The following KIAA1328 variants were observed in gnomAD, a reference collection of about 807,000 sequenced individuals.
KIAA1328 encodes protein hinderin.
A neutral mutation model predicts 68.1 loss-of-function variants in KIAA1328; 52 were observed. The ratio of observed to expected loss-of-function variants is 0.76; its 90% CI spans 0.61 to 0.96. The LOEUF (loss-of-function observed/expected upper bound fraction) is 0.96. KIAA1328 is among the 40% of genes least tolerant of loss of function. The pLI, the probability that KIAA1328 is intolerant of heterozygous loss-of-function variation, is 0.00. For synonymous variants in KIAA1328, 232 were observed against 239.4 expected, an observed-to-expected ratio of 0.97 and a Z score of 0.28; for missense variants, 641 against 677.6, an observed-to-expected ratio of 0.95 and a Z score of 0.60.
chr18:37,024,727 A>G (rs1013517238), intron 6 of KIAA1328, among the ~76,000 whole-genome samples: 9 of 152,104 alleles, frequency 5.9e-5, no homozygotes, highest in Non-Finnish European at 1.3e-4. Flanking sequence ...TTATTGCTGC[A>G]TAGTATTCCA....
At chr18:36,990,881 C>T (rs1187100047) in intron 6 of KIAA1328, among the ~76,000 whole-genome samples, 2 of 152,044 alleles carry the variant, frequency 1.3e-5, no homozygotes, top group African/African-American at 4.8e-5. Flanking sequence ...GAGAAAAAGT[C>T]ACTTGTACAT....
In KIAA1328 at chr18:36,882,822, AT is replaced by A. The variant is rs1449720952; in HGVS notation, c.333-2733del. 6.6e-5 allele frequency among the ~76,000 whole-genome samples: 10 copies of A among 152,310 alleles called. No individual in the cohort carries two copies. The East Asian group carries it at 1.5e-3, about 24-fold the overall frequency. ...CTCTAGAGATAATCTGTGCATTTAC[AT>A]TAATGTTAAGGTAAACCTGTGATCT... On this transcript the variant is annotated intron_variant, in intron 4 of 9. Transcript: ENST00000280020.
intron 6 of KIAA1328, among the ~76,000 whole-genome samples, chr18:36,994,512 CT>C (rs1465836601): frequency 6.6e-6 from 1 of 152,132 alleles, no homozygotes; most frequent in Admixed American, 6.5e-5. Flanking sequence ...GTGAGAACCA[CT>C]CATCTCATCC....
At chr18:36,996,845 G>A (rs942930863) in intron 6 of KIAA1328, among the ~76,000 whole-genome samples, 2 of 152,158 alleles carry the variant, frequency 1.3e-5, no homozygotes, top group African/African-American at 4.8e-5. Context: ...GCTGAAGTTA[G>A]CATGTATTAT....
chr18:36,893,684 G>T (rs979532120), intron 5 of KIAA1328, among the ~76,000 whole-genome samples: 1 of 151,978 alleles, frequency 6.6e-6, no homozygotes, highest in African/African-American at 2.4e-5. Context: ...TTACTATTTG[G>T]TGTCTAGTTT....
intron 7 of KIAA1328, among the ~76,000 whole-genome samples, chr18:37,136,610 T>G (rs2058651857): frequency 6.6e-6 from 1 of 152,210 alleles, no homozygotes; most frequent in African/African-American, 2.4e-5. Flanking sequence ...TCTGTGTACC[T>G]CCACATGGAA....
At chr18:36,893,529 C>T (rs1341894332) in intron 5 of KIAA1328, among the ~76,000 whole-genome samples, 1 of 148,738 alleles carries the variant, frequency 6.7e-6, no homozygotes, top group African/African-American at 2.5e-5. Context: ...ATTATGTTGC[C>T]TAGGCTGGGT....
chr18:36,980,468 T>C (rs996243364), intron 6 of KIAA1328, among the ~76,000 whole-genome samples: 2 of 152,138 alleles, frequency 1.3e-5, no homozygotes, highest in Admixed American at 6.5e-5. Flanking sequence ...CCAGGCCCAG[T>C]TTACTGGTTG....
At chr18:37,005,063 A>C (rs921395842) in intron 6 of KIAA1328, among the ~76,000 whole-genome samples, 5 of 152,076 alleles carry the variant, frequency 3.3e-5, no homozygotes, top group Non-Finnish European at 7.4e-5. Context: ...AGGCAAAGGC[A>C]TAAGAATGAT....
At position 36,884,456 on chromosome 18, in the gene KIAA1328, A is replaced by T. The variant is rs2048429704; in HGVS notation, c.333-1101A>T. 3.9e-5 allele frequency among the ~76,000 whole-genome samples: 6 copies of T among 152,332 alleles called. No individual in the cohort carries two copies. In the South Asian group the frequency reaches 1.2e-3, roughly 32 times the overall value. On this transcript the variant is annotated intron_variant, in intron 4 of 9. Coordinates refer to ENST00000280020, the MANE Select transcript of KIAA1328 (RefSeq NM_020776.3). ...CTATGTGCTATATGCTTTGACACAA[A>T]TTATTTCAAAGATAAGATACAATCA...
rs2060609002 is a variant in KIAA1328, at chr18:37,224,114, G to A, written c.*1887G>A. 2.0e-6 allele frequency: 2 copies of A among 985,254 alleles called. No homozygotes were observed. The highest frequency in any genetic ancestry group is 3.5e-5 in the African/African-American group (2 of 57,216). The allele number at this position is 985,254 out of a possible 1,614,324, so 61.0% of individuals were successfully genotyped here. ...TTTTTCAGTTAAAGTTAGGTTGCCA[G>A]AACTTTCTTTTCCTTGCCCCCTGTG... On this transcript the variant is annotated 3_prime_UTR_variant, in exon 10 of 10. Transcript: ENST00000280020.
intron 5 of KIAA1328, among the ~76,000 whole-genome samples, chr18:36,911,384 T>C (rs1270204206): frequency 6.6e-6 from 1 of 152,142 alleles, no homozygotes; most frequent in African/African-American, 2.4e-5. Flanking sequence ...CATTCTTTAC[T>C]CTAAAATACT....
At chr18:37,167,707 G>A (rs148418949) in intron 8 of KIAA1328, among the ~76,000 whole-genome samples, 2 of 152,076 alleles carry the variant, frequency 1.3e-5, no homozygotes, top group East Asian at 3.9e-4. Context: ...CTAGGGTCTC[G>A]GGGTTTTTAT....
intron 6 of KIAA1328, among the ~76,000 whole-genome samples, chr18:37,060,645 A>G (rs2056108778): frequency 6.6e-6 from 1 of 152,206 alleles, no homozygotes; most frequent in Admixed American, 6.5e-5. Flanking sequence ...AAATAAATGC[A>G]TATATCTAAA....
chr18:36,835,441 G>T, intron 3 of KIAA1328, 65 bp downstream of exon 3: 2 of 1,441,220 alleles, frequency 1.4e-6, no homozygotes, highest in East Asian at 2.4e-5. Flanking sequence ...GACCAAAAAG[G>T]GTAGAAGAAC....
intron 9 of KIAA1328, among the ~76,000 whole-genome samples, chr18:37,181,937 C>T (rs558479424): frequency 6.6e-6 from 1 of 152,206 alleles, no homozygotes; most frequent in Admixed American, 6.5e-5. Context: ...AAATTTTACA[C>T]TCAGTAGTTC....
intron 8 of KIAA1328, among the ~76,000 whole-genome samples, chr18:37,161,764 G>T (rs1266235528): frequency 6.6e-6 from 1 of 152,206 alleles, no homozygotes; most frequent in East Asian, 1.9e-4. Context: ...TTTCAAATTT[G>T]TGTTGCGTGG....
At chr18:37,220,855 T>G (rs1428102499) in intron 9 of KIAA1328, among the ~76,000 whole-genome samples, 4 of 152,180 alleles carry the variant, frequency 2.6e-5, no homozygotes, top group Non-Finnish European at 5.9e-5. Flanking sequence ...TGTTTGTTTG[T>G]TTGCTCTATT....
intron 7 of KIAA1328, among the ~76,000 whole-genome samples, chr18:37,100,808 C>T (rs905481949): frequency 1.3e-5 from 2 of 152,296 alleles, no homozygotes; most frequent in Non-Finnish European, 2.9e-5. Context: ...GCCAGGTACT[C>T]CTCTGAGACA....
Sources: allele counts gnomAD v4.1 joint callset (sites outside exome capture counted in the v4.1 genomes callset), GRCh38; gene constraint gnomAD v4.1.1; transcripts MANE v1.5; gene names NCBI Gene and HGNC (gene_info 2026-07-23, HGNC 2026-07-21).